BMP6: variants seen among roughly 807,000 people sequenced by gnomAD.
The protein encoded by BMP6 is VG-1-R.
In BMP6, 17 loss-of-function variants were observed where a neutral mutation model predicts 54.1. The observed-to-expected ratio is 0.31, with a 90% CI of 0.22 to 0.47. The LOEUF (loss-of-function observed/expected upper bound fraction) is 0.47. Among genes scored for constraint, BMP6 ranks in the 20% least tolerant of loss-of-function variants. The pLI is 1.00. For missense variants in BMP6, 720 were observed against 690.4 expected (o/e 1.04, Z -0.48); for synonymous variants, 328 against 291.2 (o/e 1.13, Z -1.28).
chr6:7,738,578 T>C lies in BMP6; in HGVS notation c.664+10959T>C, dbSNP rs545444698. Among the ~76,000 whole-genome samples, 12 of 152,330 alleles carry C rather than the reference T, an allele frequency of 7.9e-5. No homozygotes were observed. The South Asian group carries it at 2.5e-3, about 32-fold the overall frequency. On this transcript the variant is annotated intron_variant, in intron 1 of 6. Transcript: ENST00000283147. The stretch of plus-strand genomic sequence containing the variant: ...ATTAAATCCCCTCTGTTGTAAACTC[T>C]TGCAGAAGGTTCTCTGTTCCAGGTT...
chr6:7,854,401 T>C (rs1411670371), intron 2 of BMP6, among the ~76,000 whole-genome samples: 5 of 152,086 alleles, frequency 3.3e-5, no homozygotes, highest in African/African-American at 4.8e-5. Context: ...AAAAAATCAA[T>C]AGCACTTTTA....
intron 1 of BMP6, among the ~76,000 whole-genome samples, chr6:7,762,364 CTGCTTTAATGATCTTGAAGGTT>C (rs1241476747): frequency 2.5e-4 from 38 of 152,306 alleles, no homozygotes; most frequent in African/African-American, 6.0e-4. Context: ...ACTTGAAGGT[CTGCTTTAATGATCTTGAAGGTT>C]TGCTTTAATG....
chr6:7,820,814 AG>A (rs1216566186), intron 1 of BMP6, among the ~76,000 whole-genome samples: 1 of 151,912 alleles, frequency 6.6e-6, no homozygotes, highest in African/African-American at 2.4e-5. Context: ...CCAGGTGGGG[AG>A]GGGGGTGGTT....
At chr6:7,734,309 C>T (rs1156701863) in intron 1 of BMP6, among the ~76,000 whole-genome samples, 2 of 152,220 alleles carry the variant, frequency 1.3e-5, no homozygotes, top group Admixed American at 1.3e-4. Flanking sequence ...CGCATATCAT[C>T]TAATCTGTTT....
intron 6 of BMP6, 30 bp downstream of exon 6, chr6:7,880,131 T>TG: frequency 6.2e-7 from 1 of 1,614,072 alleles, no homozygotes; most frequent in Non-Finnish European, 8.5e-7. Flanking sequence ...GTTTTGTAAG[T>TG]GGGAGTAAGC....
At chr6:7,769,614 A>G (rs1170556475) in intron 1 of BMP6, among the ~76,000 whole-genome samples, 2 of 152,238 alleles carry the variant, frequency 1.3e-5, no homozygotes, top group Admixed American at 6.5e-5. Flanking sequence ...TAAATCAAGC[A>G]TAGGAAAACC....
chr6:7,785,114 T>A (rs1480175428), intron 1 of BMP6, among the ~76,000 whole-genome samples: 1 of 152,170 alleles, frequency 6.6e-6, no homozygotes, highest in Non-Finnish European at 1.5e-5. Flanking sequence ...AGGTTGAAGG[T>A]GTATGGTAGT....
intron 1 of BMP6, among the ~76,000 whole-genome samples, chr6:7,827,597 A>G (rs941953115): frequency 1.3e-5 from 2 of 152,216 alleles, no homozygotes; most frequent in South Asian, 2.1e-4. Flanking sequence ...CGTGTTAGAC[A>G]TGGAAATTAT....
chr6:7,822,720 A>T (rs1310672719), intron 1 of BMP6, among the ~76,000 whole-genome samples: 1 of 152,178 alleles, frequency 6.6e-6, no homozygotes, highest in African/African-American at 2.4e-5. Context: ...CAGCAGTACA[A>T]AATGAGGGAA....
chr6:7,853,482 T>C (rs528052480), intron 2 of BMP6, among the ~76,000 whole-genome samples: 18 of 152,302 alleles, frequency 1.2e-4, no homozygotes, highest in Non-Finnish European at 2.2e-4. Flanking sequence ...ATCTGTTGGA[T>C]TTTCAGTGTT....
intron 1 of BMP6, among the ~76,000 whole-genome samples, chr6:7,748,676 C>T (rs1324240325): frequency 6.6e-5 from 10 of 152,162 alleles, no homozygotes; most frequent in Admixed American, 6.5e-5. Flanking sequence ...CTGACTGGGG[C>T]GGAGATGTTT....
chr6:7,765,834 T>G (rs1188680838), intron 1 of BMP6, among the ~76,000 whole-genome samples: 1 of 152,252 alleles, frequency 6.6e-6, no homozygotes, highest in African/African-American at 2.4e-5. Context: ...CCTCGCTGTT[T>G]CCAGTTCCTA....
At chr6:7,728,458 C>T (rs1238308317) in intron 1 of BMP6, among the ~76,000 whole-genome samples, 1 of 152,186 alleles carries the variant, frequency 6.6e-6, no homozygotes. Flanking sequence ...AAATGGAGCT[C>T]CGCCACAAAT....
At chr6:7,861,274 T>C (rs1297905883) in intron 2 of BMP6, among the ~76,000 whole-genome samples, 177 bp from the exon 3 acceptor site, 1 of 152,184 alleles carries the variant, frequency 6.6e-6, no homozygotes, top group African/African-American at 2.4e-5. Flanking sequence ...AATTGTGTCA[T>C]GCCTGTGTCC....
chr6:7,797,737 A>G (rs1311233186), intron 1 of BMP6, among the ~76,000 whole-genome samples: 1 of 152,198 alleles, frequency 6.6e-6, no homozygotes, highest in Non-Finnish European at 1.5e-5. Context: ...TTCATCTCTT[A>G]GACCTTGACT....
At chr6:7,873,209 C>T (rs1002465156) in intron 4 of BMP6, among the ~76,000 whole-genome samples, 1 of 152,194 alleles carries the variant, frequency 6.6e-6, no homozygotes, top group Non-Finnish European at 1.5e-5. Flanking sequence ...CAAGTGAGGT[C>T]CACAGGGCAG....
At position 7,727,537 on chromosome 6, in the gene BMP6, C is replaced by G. The variant is rs779923890; in HGVS notation, c.582C>G (p.Ser194Arg). The change falls in exon 1 of 7, where the codon AGC becomes AGG. Residue 194 changes from serine to arginine, a missense_variant. Coordinates refer to ENST00000283147, the MANE Select transcript of BMP6 (RefSeq NM_001718.6). ...RKSLLAPGSGSGGASPLTSAQ... is the reference protein window; with the variant it reads ...RKSLLAPGSGRGGASPLTSAQ... ...GCCTTCTGGCCCCCGGATCTGGCAG[C>G]GGCGGCGCGTCCCCACTGACCAGCG... The G allele has an allele frequency of 1.9e-6, 3 of 1,594,730 alleles. No homozygotes were observed. The highest frequency in any genetic ancestry group is 2.2e-5 in the East Asian group (1 of 44,624).
At chr6:7,878,327 AAG>A (rs1368429962) in intron 4 of BMP6, among the ~76,000 whole-genome samples, 6 of 152,168 alleles carry the variant, frequency 3.9e-5, no homozygotes, top group Non-Finnish European at 8.8e-5. Flanking sequence ...CATGTCACGT[AAG>A]AGTCGCTCCA....
chr6:7,861,173 G>A (rs1197466449), intron 2 of BMP6, among the ~76,000 whole-genome samples: 1 of 136,190 alleles, frequency 7.3e-6, no homozygotes, highest in Non-Finnish European at 1.6e-5. Context: ...AGCAGCACTA[G>A]CAAGATTTTT....
Sources: allele counts gnomAD v4.1 joint callset (sites outside exome capture counted in the v4.1 genomes callset), GRCh38; gene constraint gnomAD v4.1.1; transcripts MANE v1.5; gene names NCBI Gene and HGNC (gene_info 2026-07-23, HGNC 2026-07-21).